Variants in MRPS5 observed in about 807,000 individuals in gnomAD.
MRPS5 encodes the protein small ribosomal subunit protein uS5m.
MRPS5 carries 27 observed loss-of-function variants against 51.9 expected under a neutral mutation model. The ratio of observed to expected loss-of-function variants is 0.52; its 90% CI spans 0.38 to 0.72. MRPS5 has a LOEUF of 0.72. Ranked by LOEUF, MRPS5 falls within the 30% of genes least tolerant of loss-of-function variation. The pLI, the probability that MRPS5 is intolerant of heterozygous loss-of-function variation, is 0.00. For synonymous variants in MRPS5, 196 were observed against 193.2 expected (o/e 1.01, Z -0.12); for missense variants, 570 against 545.7 (o/e 1.04, Z -0.44).
chr2:95,121,799 T>C lies in MRPS5; in HGVS notation c.-8A>G. The C allele has an allele frequency of 6.5e-7, 1 of 1,540,164 alleles. No individual in the cohort carries two copies. The highest frequency in any genetic ancestry group is 8.7e-7 in the Non-Finnish European group (1 of 1,151,908). The stretch of plus-strand genomic sequence containing the variant: ...GCGCACCGCGGTCGCCATGCTGGAG[T>C]CCGAGCCGCGCCTCGGCCTCCGCCC... On this transcript the variant is annotated 5_prime_UTR_variant, in exon 1 of 12. Transcript: ENST00000272418.
rs556951498 is a variant in MRPS5, at chr2:95,115,112, A to G, written c.231T>C (p.Ser77=). The G allele has an allele frequency of 2.5e-5, 40 of 1,612,160 alleles. No individual in the cohort carries two copies. In the South Asian group the frequency reaches 4.2e-4, roughly 17 times the overall value. ...GTCTATACTGCTGGCTCATCAGGTGACTGGGAGAAGAAATACAGCATTGTG... is the reference window on the plus strand; with the variant it reads ...GTCTATACTGCTGGCTCATCAGGTGGCTGGGAGAAGAAATACAGCATTGTG... The part of the protein sequence containing the change: ...LQTQCCISSP[S]HLMSQQYRPY... The change falls in exon 3 of 12, where the codon AGT becomes AGC. Residue 77 remains serine (S), a synonymous_variant. Coordinates refer to ENST00000272418, the MANE Select transcript of MRPS5 (RefSeq NM_031902.5).
chr2:95,104,782 G>C (rs759138655), intron 6 of MRPS5, 52 bp from the exon 7 acceptor site: 1 of 1,547,812 alleles, frequency 6.5e-7, no homozygotes, highest in African/African-American at 1.4e-5. Context: ...ATCTGAAGGA[G>C]GGAACTGGAG....
At chr2:95,095,090 T>A (rs1675582519) in intron 10 of MRPS5, among the ~76,000 whole-genome samples, 1 of 152,146 alleles carries the variant, frequency 6.6e-6, no homozygotes, top group African/African-American at 2.4e-5. Context: ...TAGTCTCTGA[T>A]AAAACAGACT....
chr2:95,105,991 G>A (rs1391865477), intron 6 of MRPS5, among the ~76,000 whole-genome samples: 1 of 152,134 alleles, frequency 6.6e-6, no homozygotes, highest in Non-Finnish European at 1.5e-5. Context: ...GAGCAACCCA[G>A]AGACCATTTC....
At chr2:95,108,115 G>A in intron 5 of MRPS5, 60 bp downstream of exon 5, 1 of 1,466,830 alleles carries the variant, frequency 6.8e-7, no homozygotes, top group Non-Finnish European at 9.5e-7. Flanking sequence ...CCATTTCAAG[G>A]AAATTCTAAA....
chr2:95,104,071 T>C (rs745687588), intron 7 of MRPS5: 1 of 155,056 alleles, frequency 6.4e-6, no homozygotes, highest in Non-Finnish European at 1.4e-5. Flanking sequence ...TAACTATACA[T>C]AGGAGAAAAT....
chr2:95,106,237 A>G (rs1483415005), intron 6 of MRPS5, among the ~76,000 whole-genome samples, 186 bp downstream of exon 6: 1 of 152,188 alleles, frequency 6.6e-6, no homozygotes. Flanking sequence ...AGAGGGTAGT[A>G]GTCAGAAGAG....
chr2:95,104,640 C>G lies in MRPS5; in HGVS notation c.763G>C (p.Gly255Arg), dbSNP rs1675898186. Residue 255 changes from glycine to arginine, a missense_variant and splice_region_variant, in exon 7 of 12, where the codon GGT becomes CGT. Coordinates refer to ENST00000272418, the MANE Select transcript of MRPS5 (RefSeq NM_031902.5). ...VAVGNGKGAAGFSIGKATDRM... is the reference protein window; with the variant it reads ...VAVGNGKGAARFSIGKATDRM... The stretch of plus-strand genomic sequence containing the variant: ...TGTGATGCCATCACTCCCCATTCAC[C>G]TGCAGCTCCTTTTCCGTTCCCCACA... The G allele has an allele frequency of 6.2e-7, 1 of 1,614,170 alleles. No homozygotes were observed. The highest frequency in any genetic ancestry group is 8.5e-7 in the Non-Finnish European group (1 of 1,179,976).
intron 5 of MRPS5, among the ~76,000 whole-genome samples, chr2:95,107,948 G>A (rs1391836209): frequency 2.0e-5 from 3 of 152,084 alleles, no homozygotes; most frequent in East Asian, 1.9e-4. Context: ...ATCTGAGAAG[G>A]TACATGATAA....
chr2:95,114,987 TA>T, intron 3 of MRPS5, 78 bp downstream of exon 3: 1 of 1,314,616 alleles, frequency 7.6e-7, no homozygotes, highest in Non-Finnish European at 1.0e-6. Context: ...TTAATTCATG[TA>T]AAAAAGAAGA....
At chr2:95,113,272 C>G (rs1396638570) in intron 3 of MRPS5, among the ~76,000 whole-genome samples, 1 of 151,866 alleles carries the variant, frequency 6.6e-6, no homozygotes, top group African/African-American at 2.4e-5. Context: ...GTCAGAAGAT[C>G]GAGACCATCC....
chr2:95,090,402 C>T lies in MRPS5; in HGVS notation c.1052G>A (p.Arg351His), dbSNP rs148691048. ...AAGGATTACCTGTCTGGAGAGCCCA[C>T]GGAAGAGGCCCTGGGTGAGGCTGAG... is the stretch of plus-strand genomic sequence containing the variant. ...NMLSLTQGLFRGLSRQETHQQ... is the reference protein window; with the variant it reads ...NMLSLTQGLFHGLSRQETHQQ... Residue 351 changes from arginine (R) to histidine (H), a missense_variant, in exon 11 of 12, where the codon CGT (arginine) becomes CAT (histidine). By Grantham distance (29) the Arg-to-His change is conservative. Coordinates refer to ENST00000272418, the MANE Select transcript of MRPS5 (RefSeq NM_031902.5). The T allele has an allele frequency of 2.1e-3, 3,458 of 1,613,626 alleles. 5 individuals are homozygous for T. Among genetic ancestry groups the T allele is most frequent in the Non-Finnish European group, 2.8e-3 (3,274 of 1,179,900 alleles).
intron 3 of MRPS5, among the ~76,000 whole-genome samples, chr2:95,111,102 A>G (rs1676104852): frequency 6.6e-6 from 1 of 152,172 alleles, no homozygotes; most frequent in African/African-American, 2.4e-5. Flanking sequence ...AAAAACACAC[A>G]CATATACACA....
intron 4 of MRPS5, among the ~76,000 whole-genome samples, chr2:95,108,929 CAATTT>C (rs1355325372): frequency 2.0e-5 from 3 of 151,558 alleles, no homozygotes; most frequent in Non-Finnish European, 2.9e-5. Context: ...AAATTAATAA[CAATTT>C]AATACATAAT....
Position 95,100,551 on chromosome 2 carries a change from CAT to C in MRPS5, c.869-17_869-16del. 2 of 1,578,796 alleles carry C rather than the reference CAT, an allele frequency of 1.3e-6. No homozygotes were observed. The highest frequency in any genetic ancestry group is 1.7e-6 in the Non-Finnish European group (2 of 1,148,690). ...ATCATGGAATACTGGAGGGTAAAAACATAAACACAAGAGGATTAGGTGTGTGG... is the reference window on the plus strand; with the variant it reads ...ATCATGGAATACTGGAGGGTAAAAACAAACACAAGAGGATTAGGTGTGTGG... On this transcript the variant is annotated splice_polypyrimidine_tract_variant and intron_variant, in intron 9 of 11. Transcript: ENST00000272418.
chr2:95,090,254 C>A lies in MRPS5; in HGVS notation c.1068+132G>T, dbSNP rs1346792591. The A allele has an allele frequency of 3.6e-5, 25 of 685,060 alleles. No homozygotes were observed. In the Admixed American group the frequency reaches 3.8e-4, roughly 11 times the overall value. 42.4% of individuals were successfully genotyped at this position (685,060 alleles called of 1,614,324 possible). ...TTAACTAAACTGATGCAGTCACAGA[C>A]AACAAAGAATGCCCAACTCCTCAGG... is the stretch of plus-strand genomic sequence containing the variant. On this transcript the variant is annotated intron_variant, in intron 11 of 11. Transcript: ENST00000272418.
chr2:95,100,545 T>TA lies in MRPS5; in HGVS notation c.869-10dup. ...TGAAATATCATGGAATACTGGAGGGTAAAAACATAAACACAAGAGGATTAG... is the reference window on the plus strand; with the variant it reads ...TGAAATATCATGGAATACTGGAGGGTAAAAAACATAAACACAAGAGGATTAG... On this transcript the variant is annotated splice_polypyrimidine_tract_variant and intron_variant, in intron 9 of 11. Coordinates refer to ENST00000272418, the MANE Select transcript of MRPS5 (RefSeq NM_031902.5). 6.3e-7 allele frequency: 1 copy of TA among 1,588,710 alleles called. No homozygotes were observed. The highest frequency in any genetic ancestry group is 1.1e-5 in the South Asian group (1 of 90,072).
At chr2:95,115,414 G>A (rs1308638307) in intron 2 of MRPS5, among the ~76,000 whole-genome samples, 1 of 152,152 alleles carries the variant, frequency 6.6e-6, no homozygotes, top group African/African-American at 2.4e-5. Flanking sequence ...TAGTTCATCC[G>A]CACAACGGGG....
In MRPS5 at chr2:95,086,949, C is replaced by A. The variant is rs1484196284; in HGVS notation, c.*408G>T. On this transcript the variant is annotated 3_prime_UTR_variant, in exon 12 of 12. Transcript: ENST00000272418. ...TGTGGAAAACGGTTTGGAAGTTCCT[C>A]ACGGTAGTCAAGTTACTTAACTGCT... Among the ~76,000 whole-genome samples the A allele has an allele frequency of 6.6e-6, 1 of 152,172 alleles. No individual in the cohort carries two copies. Among genetic ancestry groups the A allele is most frequent in the Non-Finnish European group, 1.5e-5 (1 of 68,030 alleles).
Sources: allele counts gnomAD v4.1 joint callset (sites outside exome capture counted in the v4.1 genomes callset), GRCh38; gene constraint gnomAD v4.1.1; transcripts MANE v1.5; gene names NCBI Gene and HGNC (gene_info 2026-07-23, HGNC 2026-07-21).